The following B3GALNT2 variants were observed in gnomAD, a reference collection of about 807,000 sequenced individuals.
B3GALNT2 encodes the protein UDP-GalNAc:beta-1,3-N-acetylgalactosaminyltransferase 2.
Under a neutral mutation model 61.1 loss-of-function variants are expected in B3GALNT2, and 53 were observed. The observed-to-expected ratio is 0.87, with a 90% CI of 0.70 to 1.09. The LOEUF (loss-of-function observed/expected upper bound fraction) is 1.09. Among genes scored for constraint, B3GALNT2 ranks in the 50% least tolerant of loss-of-function variants. The pLI is 0.00. For missense variants in B3GALNT2, 544 were observed against 623.0 expected (o/e 0.87, Z 1.35); for synonymous variants, 223 against 237.4 (o/e 0.94, Z 0.56).
At chr1:235,456,464 CA>C (rs1683176378) in intron 8 of B3GALNT2, among the ~76,000 whole-genome samples, 1 of 152,144 alleles carries the variant, frequency 6.6e-6, no homozygotes, top group South Asian at 2.1e-4. Flanking sequence ...GGGTCCACAC[CA>C]AATAGCATCA....
At chr1:235,460,261 C>T (rs187706737) in intron 7 of B3GALNT2, among the ~76,000 whole-genome samples, 134 of 151,902 alleles carry the variant, frequency 8.8e-4, no homozygotes, top group African/African-American at 3.1e-3. Flanking sequence ...GGATTACAGG[C>T]GCCTGCCACT....
At position 235,455,720 on chromosome 1, in the gene B3GALNT2, CCAAA is replaced by C. The variant is rs138874913; in HGVS notation, c.1026-40_1026-37del. ...AAAAGGGATAAGAAAGTCAGTGCGA[CCAAA>C]CAAACAAACACCAATGCAGTGGCGT... On this transcript the variant is annotated intron_variant, in intron 8 of 11. Coordinates refer to ENST00000366600, the MANE Select transcript of B3GALNT2 (RefSeq NM_152490.5). 5.7e-3 allele frequency: 9,033 copies of C among 1,585,732 alleles called. 418 individuals carry two copies. The African/African-American group carries it at 0.099, about 17-fold the overall frequency.
At chr1:235,485,578 G>A (rs952451079) in intron 3 of B3GALNT2, among the ~76,000 whole-genome samples, 2 of 152,198 alleles carry the variant, frequency 1.3e-5, no homozygotes, top group African/African-American at 4.8e-5. Flanking sequence ...TTACAGGCAT[G>A]AGCCACTGTG....
intron 8 of B3GALNT2, among the ~76,000 whole-genome samples, chr1:235,456,793 G>A (rs1226489739): frequency 4.6e-5 from 7 of 152,182 alleles, no homozygotes; most frequent in Non-Finnish European, 1.0e-4. Context: ...AGTATCCGGG[G>A]CTGACTCTTA....
chr1:235,496,593 G>A (rs2102866605), intron 1 of B3GALNT2, among the ~76,000 whole-genome samples: 1 of 147,680 alleles, frequency 6.8e-6, no homozygotes, highest in Middle Eastern at 3.6e-3. Context: ...GGCCCAGTCT[G>A]GAGTGCAGTG....
Position 235,504,174 on chromosome 1 carries a change from G to A in B3GALNT2, c.79C>T (p.Pro27Ser), listed in dbSNP as rs1206653348. The A allele has an allele frequency of 2.3e-6, 3 of 1,302,946 alleles. No homozygotes were observed. The highest frequency in any genetic ancestry group is 2.9e-6 in the Non-Finnish European group (3 of 1,031,284). 80.7% of individuals were successfully genotyped at this position (1,302,946 alleles called of 1,614,324 possible). ...LHLWLRLRSPPPACASGAGPA... is the reference protein window; with the variant it reads ...LHLWLRLRSPSPACASGAGPA... ...CCGGCCCCGGAGGCGCAGGCGGGCGGCGGGGAGCGCAGCCGCAGCCAGAGG... is the reference window on the plus strand; with the variant it reads ...CCGGCCCCGGAGGCGCAGGCGGGCGACGGGGAGCGCAGCCGCAGCCAGAGG... Residue 27 changes from proline to serine, a missense_variant, in exon 1 of 12, where the codon CCG (proline) becomes TCG (serine). Pro to Ser is a moderately conservative substitution (Grantham distance 74). Coordinates refer to ENST00000366600, the MANE Select transcript of B3GALNT2 (RefSeq NM_152490.5).
chr1:235,469,992 G>A (rs1338847656), intron 6 of B3GALNT2, among the ~76,000 whole-genome samples: 1 of 152,040 alleles, frequency 6.6e-6, no homozygotes, highest in African/African-American at 2.4e-5. Flanking sequence ...CTGCCTCCTA[G>A]GTTCAAGCAA....
In B3GALNT2 at chr1:235,469,855, C is replaced by A. The variant is rs151265470; in HGVS notation, c.762+995G>T. Among the ~76,000 whole-genome samples, 5 of 152,002 alleles carry A rather than the reference C, an allele frequency of 3.3e-5. No homozygotes were observed. In the East Asian group the frequency reaches 9.7e-4, roughly 30 times the overall value. Reference sequence around the variant, plus strand: ...CGGATTACAGGCATAAGCCAGCACACCCCGCCTTATTTTCCAATATTTTTA... The same window carrying A: ...CGGATTACAGGCATAAGCCAGCACAACCCGCCTTATTTTCCAATATTTTTA... On this transcript the variant is annotated intron_variant, in intron 6 of 11. Transcript: ENST00000366600.
chr1:235,441,990 C>T, the B3GALNT2 span: 1 of 957,784 alleles, frequency 1.0e-6, no homozygotes, highest in Non-Finnish European at 1.6e-6. Context: ...AAGTAAATGC[C>T]TTGAGTTTTA....
At chr1:235,493,519 T>C (rs1685176275) in intron 2 of B3GALNT2, among the ~76,000 whole-genome samples, 1 of 152,186 alleles carries the variant, frequency 6.6e-6, no homozygotes, top group Admixed American at 6.5e-5. Context: ...GGCTCACGCT[T>C]GTAATCCCAG....
intron 4 of B3GALNT2, among the ~76,000 whole-genome samples, chr1:235,482,863 C>G (rs1024253675): frequency 6.6e-5 from 10 of 151,916 alleles, no homozygotes; most frequent in African/African-American, 2.4e-4. Context: ...ACCAAAAAAC[C>G]CCCCAAAATA....
downstream of B3GALNT2, chr1:235,443,113 A>C: frequency 5.0e-6 from 3 of 598,270 alleles, no homozygotes; most frequent in Non-Finnish European, 8.9e-6. Context: ...GTCTCCCCTA[A>C]CTTTATCAGC....
intron 7 of B3GALNT2, 195 bp downstream of exon 7, chr1:235,465,441 G>A (rs370435466): frequency 4.9e-6 from 4 of 816,312 alleles, no homozygotes; most frequent in African/African-American, 3.5e-5. Flanking sequence ...ATGGGTGTGG[G>A]GTTTCCTTTT....
At chr1:235,467,443 T>TA (rs879686378) in intron 6 of B3GALNT2, among the ~76,000 whole-genome samples, 2 of 151,452 alleles carry the variant, frequency 1.3e-5, no homozygotes, top group Non-Finnish European at 2.9e-5. Context: ...TGTAGTTCCA[T>TA]AAAAGACTGT....
chr1:235,465,063 A>T (rs2102802559), intron 7 of B3GALNT2: 1 of 152,354 alleles, frequency 6.6e-6, no homozygotes. Context: ...CAGGTCTTCT[A>T]CTCCTAGACA....
chr1:235,468,450 CTTTTTT>C (rs58494716), intron 6 of B3GALNT2, among the ~76,000 whole-genome samples: 1 of 87,384 alleles, frequency 1.1e-5, no homozygotes, highest in African/African-American at 5.1e-5. Context: ...AGAAACCTAC[CTTTTTT>C]TTTTTTTTTT....
Position 235,504,273 on chromosome 1 carries a change from C to T in B3GALNT2, c.-21G>A, listed in dbSNP as rs1429392299. The T allele has an allele frequency of 1.1e-5, 16 of 1,485,138 alleles. No homozygotes were observed. Among genetic ancestry groups the T allele is most frequent in the Non-Finnish European group, 1.4e-5 (16 of 1,123,402 alleles). The allele number at this position is 1,485,138 out of a possible 1,614,324, so 92.0% of individuals were successfully genotyped here. ...CGCATTGGCCGCCCCCGCCGCGAGCCGGGCTCTCCCGCGTCCCGGCGGAGA... is the reference window on the plus strand; with the variant it reads ...CGCATTGGCCGCCCCCGCCGCGAGCTGGGCTCTCCCGCGTCCCGGCGGAGA... On this transcript the variant is annotated 5_prime_UTR_variant, in exon 1 of 12. Transcript: ENST00000366600.
rs1324785236 is a variant in B3GALNT2, at chr1:235,447,343, C to CTGTA, written c.*2859_*2862dup. ...TATTTGTAGGAACACCACACTATTG[C>CTGTA]TGTATCTCCAGCTAAAGCTTCAAGG... On this transcript the variant is annotated 3_prime_UTR_variant, in exon 12 of 12. Coordinates refer to ENST00000366600, the MANE Select transcript of B3GALNT2 (RefSeq NM_152490.5). Among the ~76,000 whole-genome samples, 18 of 152,190 alleles carry CTGTA rather than the reference C, an allele frequency of 1.2e-4. No homozygotes were observed. Among genetic ancestry groups the CTGTA allele is most frequent in the Non-Finnish European group, 1.8e-4 (12 of 68,044 alleles).
At chr1:235,460,275 C>G (rs957924440) in intron 7 of B3GALNT2, among the ~76,000 whole-genome samples, 1 of 151,526 alleles carries the variant, frequency 6.6e-6, no homozygotes, top group Non-Finnish European at 1.5e-5. Context: ...TGCCACTGTG[C>G]CCAGCTAATT....
Sources: allele counts gnomAD v4.1 joint callset (sites outside exome capture counted in the v4.1 genomes callset), GRCh38; gene constraint gnomAD v4.1.1; transcripts MANE v1.5; gene names NCBI Gene and HGNC (gene_info 2026-07-23, HGNC 2026-07-21).